The following RIPOR1 variants were observed in gnomAD, a reference collection of about 807,000 sequenced individuals.
The protein encoded by RIPOR1 is rho family-interacting cell polarization regulator 1.
A neutral mutation model predicts 116.5 loss-of-function variants in RIPOR1; 58 were observed. The ratio of observed to expected loss-of-function variants is 0.50; its 90% CI spans 0.40 to 0.62. The LOEUF is 0.62. Ranked by LOEUF, RIPOR1 falls within the 20% of genes least tolerant of loss-of-function variation. The pLI, the probability that RIPOR1 is intolerant of heterozygous loss-of-function variation, is 0.00. For missense variants in RIPOR1, 1,372 were observed against 1,586.2 expected (o/e 0.86, Z 2.29); for synonymous variants, 605 against 650.0 (o/e 0.93, Z 1.05).
chr16:67,545,689 G>A lies in RIPOR1; in HGVS notation c.3216G>A (p.Ser1072=), dbSNP rs2051141264. 6 of 1,574,554 alleles carry A rather than the reference G, an allele frequency of 3.8e-6. No individual in the cohort carries two copies. Among genetic ancestry groups the A allele is most frequent in the Middle Eastern group, 1.7e-4 (1 of 5,884 alleles). ...EEVLLVRNLN[S]DDQAVVLKAL... ...TGCTACTGGTGCGGAATCTGAACTC[G>A]GATGATCAGGCTGTTGTGCTGAAGG... The change falls in exon 19 of 22, where the codon TCG becomes TCA. Residue 1072 remains serine, a synonymous_variant. Transcript: ENST00000042381. The surrounding 1 kb of genome is among the most constrained non-coding windows in gnomAD (Gnocchi z 4.8).
Position 67,545,431 on chromosome 16 carries a change from G to A in RIPOR1, c.3087G>A (p.Gln1029=). 1.2e-6 allele frequency: 2 copies of A among 1,614,050 alleles called. No individual in the cohort carries two copies. Among genetic ancestry groups the A allele is most frequent in the African/African-American group, 2.7e-5 (2 of 75,070 alleles). Residue 1029 remains glutamine (Q), a synonymous_variant, in exon 18 of 22, where the codon CAG becomes CAA. Coordinates refer to ENST00000042381, the MANE Select transcript of RIPOR1 (RefSeq NM_024519.4). The surrounding 1 kb of genome is among the most constrained non-coding windows in gnomAD (Gnocchi z 4.8). ...ALGQKLPRRP[Q]PGPGEQLTVF... is the part of the protein sequence containing the mutation. ...GGCAGAAGCTGCCCAGAAGGCCCCA[G>A]CCAGGGCCTGGAGAGCAGCTCACAG...
In RIPOR1 at chr16:67,540,557, C is replaced by G; in HGVS notation, c.676-22C>G. On this transcript the variant is annotated intron_variant, in intron 9 of 21. Transcript: ENST00000042381. The surrounding 1 kb of genome is among the most constrained non-coding windows in gnomAD (Gnocchi z 4.7). ...GGTAGGGTCCCAACACCTAGGCTGCCTCATCCTACCTGTTCCCCCAGATCT... is the reference window on the plus strand; with the variant it reads ...GGTAGGGTCCCAACACCTAGGCTGCGTCATCCTACCTGTTCCCCCAGATCT... 6.2e-7 allele frequency: 1 copy of G among 1,614,070 alleles called. No individual in the cohort carries two copies.
At chr16:67,525,722 A>G (rs2050534694), upstream of RIPOR1, among the ~76,000 whole-genome samples, 1 of 152,046 alleles carries the variant, frequency 6.6e-6, no homozygotes, top group Admixed American at 6.6e-5. Context: ...AGTGCTCATA[A>G]TTCCTTTCTA....
In RIPOR1 at chr16:67,542,232, C is replaced by T; in HGVS notation, c.1446C>T (p.His482=). ...SLAWGPSPPT[H]PAPTHGEHPS... ...CCTGGGGACCTAGCCCACCTACACA[C>T]CCAGCTCCCACCCATGGAGAGCACC... is the stretch of plus-strand genomic sequence containing the variant. Residue 482 remains histidine, a synonymous_variant, in exon 13 of 22, where the codon CAC becomes CAT. Transcript: ENST00000042381. This position sits in a 1 kb window ranked among gnomAD's most constrained non-coding sequence, Gnocchi z 4.6. The T allele has an allele frequency of 6.2e-7, 1 of 1,613,590 alleles. No homozygotes were observed. The highest frequency in any genetic ancestry group is 8.5e-7 in the Non-Finnish European group (1 of 1,179,680).
At chr16:67,523,677 C>T (rs2050515847) in intron 1 of RIPOR1, among the ~76,000 whole-genome samples, 1 of 147,896 alleles carries the variant, frequency 6.8e-6, no homozygotes, top group Non-Finnish European at 1.5e-5. Context: ...AAAAAACTAC[C>T]CTTAAACTTT....
rs1167496792 is a variant in RIPOR1 at position 67,543,842 on chromosome 16, G to T, written c.2600+373G>T. Reference sequence around the variant, plus strand: ...CTCAGTGTCTCGCCGTGCACCCTGGGACCCCAGCACTGCCCCACTCCTTCT... The same window carrying T: ...CTCAGTGTCTCGCCGTGCACCCTGGTACCCCAGCACTGCCCCACTCCTTCT... On this transcript the variant is annotated intron_variant, in intron 14 of 21. Coordinates refer to ENST00000042381, the MANE Select transcript of RIPOR1 (RefSeq NM_024519.4). This position sits in a 1 kb window ranked among gnomAD's most constrained non-coding sequence, Gnocchi z 4.7. 5.4e-6 allele frequency: 2 copies of T among 367,154 alleles called. No homozygotes were observed. Among genetic ancestry groups the T allele is most frequent in the Non-Finnish European group, 1.0e-5 (2 of 196,094 alleles). 22.7% of individuals were successfully genotyped at this position (367,154 alleles called of 1,614,324 possible).
At position 67,541,235 on chromosome 16, in the gene RIPOR1, T is replaced by A. The variant is rs2050972349; in HGVS notation, c.802-195T>A. The A allele has an allele frequency of 9.4e-4, 219 of 232,020 alleles. No homozygotes were observed. The highest frequency in any genetic ancestry group is 1.4e-3 in the Non-Finnish European group (176 of 127,554). The allele number at this position is 232,020 out of a possible 1,614,324, so 14.4% of individuals were successfully genotyped here. On this transcript the variant is annotated intron_variant, in intron 10 of 21. Coordinates refer to ENST00000042381, the MANE Select transcript of RIPOR1 (RefSeq NM_024519.4). This position sits in a 1 kb window ranked among gnomAD's most constrained non-coding sequence, Gnocchi z 4.6. ...TGCACCACCATGCCTGGCTAAAAATTTTTTTTTTTTTTTTTTTTGAGACAG... is the reference window on the plus strand; with the variant it reads ...TGCACCACCATGCCTGGCTAAAAATATTTTTTTTTTTTTTTTTTGAGACAG...
At position 67,544,849 on chromosome 16, in the gene RIPOR1, C is replaced by T. The variant is rs765943686; in HGVS notation, c.2869+19C>T. 1.7e-5 allele frequency: 27 copies of T among 1,588,816 alleles called. No individual in the cohort carries two copies. The highest frequency in any genetic ancestry group is 3.4e-5 in the Admixed American group (2 of 58,932). ...CAGGAAGGTAAAGGCCCTGGGGGTT[C>T]GGGCTCTGCCATCTGCCTTGAAGCT... is the stretch of plus-strand genomic sequence containing the variant. On this transcript the variant is annotated intron_variant, in intron 16 of 21. Coordinates refer to ENST00000042381, the MANE Select transcript of RIPOR1 (RefSeq NM_024519.4). The surrounding 1 kb of genome is among the most constrained non-coding windows in gnomAD (Gnocchi z 5.1).
In RIPOR1 at chr16:67,544,708, T is replaced by G; in HGVS notation, c.2747T>G (p.Phe916Cys). 6.2e-7 allele frequency: 1 copy of G among 1,613,264 alleles called. No homozygotes were observed. Among genetic ancestry groups the G allele is most frequent in the Non-Finnish European group, 8.5e-7 (1 of 1,179,996 alleles). The change falls in exon 16 of 22, where the codon TTT becomes TGT. Residue 916 changes from phenylalanine to cysteine, a missense_variant. Transcript: ENST00000042381. This position sits in a 1 kb window ranked among gnomAD's most constrained non-coding sequence, Gnocchi z 5.1. ...CATGTTCTCCAGAAACTGGGCACAT[T>G]TGGGCCCCTGCGCTGCCAGGAGGCA... is the stretch of plus-strand genomic sequence containing the variant. The part of the protein sequence containing the change: ...CSRLLLKLGT[F>C]GPLRCQEAWA...
chr16:67,543,172 G>A lies in RIPOR1; in HGVS notation c.2386G>A (p.Ala796Thr). ...CAGGAGCCTGGAGGAGGCACTGGGG[G>A]CCCTAATGGCTGCCCTGGATGACTA... ...GDRSLEEALGALMAALDDYRG... is the reference protein window; with the variant it reads ...GDRSLEEALGTLMAALDDYRG... The change falls in exon 13 of 22, where the codon GCC becomes ACC. Residue 796 changes from alanine to threonine, a missense_variant. By Grantham distance (58) the Ala-to-Thr change is moderately conservative. Transcript: ENST00000042381. This position sits in a 1 kb window ranked among gnomAD's most constrained non-coding sequence, Gnocchi z 4.7. 1 of 1,540,368 alleles carries A rather than the reference G, an allele frequency of 6.5e-7. No individual in the cohort carries two copies. Among genetic ancestry groups the A allele is most frequent in the Non-Finnish European group, 8.7e-7 (1 of 1,143,718 alleles).
intron 1 of RIPOR1, among the ~76,000 whole-genome samples, chr16:67,534,389 G>A (rs1239559953): frequency 6.6e-6 from 1 of 152,138 alleles, no homozygotes; most frequent in East Asian, 1.9e-4. Flanking sequence ...AAAGTGCTAG[G>A]ATTACAGGCG....
At position 67,530,270 on chromosome 16, in the gene RIPOR1, C is replaced by A. The variant is rs368229103; in HGVS notation, c.-24+1356C>A. 1.3e-5 allele frequency among the ~76,000 whole-genome samples: 2 copies of A among 152,168 alleles called. No homozygotes were observed. Among genetic ancestry groups the A allele is most frequent in the African/African-American group, 4.8e-5 (2 of 41,444 alleles). ...CCGGGGGAGGCCGCCTGGCTCCCAG[C>A]GCGCGGCCAGGGAATGTAACCAGCT... On this transcript the variant is annotated intron_variant, in intron 1 of 21. Transcript: ENST00000042381. The surrounding 1 kb of genome is among the most constrained non-coding windows in gnomAD (Gnocchi z 4.5).
chr16:67,520,907 G>C (rs2050490246), intron 1 of RIPOR1, among the ~76,000 whole-genome samples: 1 of 152,176 alleles, frequency 6.6e-6, no homozygotes, highest in Admixed American at 6.5e-5. Flanking sequence ...TCCTTCTCTT[G>C]GATCACAGAA....
intron 1 of RIPOR1, among the ~76,000 whole-genome samples, chr16:67,536,166 G>C (rs2050789356): frequency 6.6e-6 from 1 of 152,200 alleles, no homozygotes; most frequent in African/African-American, 2.4e-5. Flanking sequence ...AGAAGAGATA[G>C]GCTGGGCGCG....
In RIPOR1 at chr16:67,540,317, G is replaced by C; in HGVS notation, c.585G>C (p.Glu195Asp). The C allele has an allele frequency of 6.2e-7, 1 of 1,614,184 alleles. No homozygotes were observed. The highest frequency in any genetic ancestry group is 8.5e-7 in the Non-Finnish European group (1 of 1,180,024). Residue 195 changes from glutamate (E) to aspartate (D), a missense_variant, in exon 8 of 22, where the codon GAG (glutamate) becomes GAC (aspartate). By Grantham distance (45) the Glu-to-Asp change is conservative (BLOSUM62 2). Coordinates refer to ENST00000042381, the MANE Select transcript of RIPOR1 (RefSeq NM_024519.4). This position sits in a 1 kb window ranked among gnomAD's most constrained non-coding sequence, Gnocchi z 4.7. ...REYTESMCLL[E>D]SELEAQLGEF... The stretch of plus-strand genomic sequence containing the variant: ...CCTCCCAGAGCATGTGTCTGCTGGA[G>C]AGCGAGCTGGAGGCACAGCTGGGCG...
At chr16:67,528,130 G>A (rs1453619475), upstream of RIPOR1, among the ~76,000 whole-genome samples, 2 of 152,072 alleles carry the variant, frequency 1.3e-5, no homozygotes, top group Non-Finnish European at 2.9e-5. Flanking sequence ...ACATGGGGTC[G>A]ACTCTCAGCC....
chr16:67,546,388 T>C lies in RIPOR1; in HGVS notation c.3585T>C (p.His1195=). The part of the protein sequence containing the change: ...QQCGEEGQSA[H]RRLEESLDAL... ...CAGGAGAAGAGGGACAGTCTGCCCA[T>C]CGACGGCTGGAGGAGTCCCTGGACG... Residue 1195 remains histidine (H), a synonymous_variant, in exon 22 of 22, where the codon CAT becomes CAC. Coordinates refer to ENST00000042381, the MANE Select transcript of RIPOR1 (RefSeq NM_024519.4). 6.2e-7 allele frequency: 1 copy of C among 1,614,102 alleles called. No individual in the cohort carries two copies. The highest frequency in any genetic ancestry group is 1.1e-5 in the South Asian group (1 of 91,088).
chr16:67,519,263 GAGAA>G (rs1374923178), intron 1 of RIPOR1, among the ~76,000 whole-genome samples: 4 of 146,936 alleles, frequency 2.7e-5, no homozygotes, highest in Admixed American at 1.3e-4. Context: ...CTGGGCAACA[GAGAA>G]AGACTCTGTT....
At position 67,541,601 on chromosome 16, in the gene RIPOR1, G is replaced by T. The variant is rs373348412; in HGVS notation, c.950+23G>T. 1 of 1,613,890 alleles carries T rather than the reference G, an allele frequency of 6.2e-7. No individual in the cohort carries two copies. The highest frequency in any genetic ancestry group is 1.3e-5 in the African/African-American group (1 of 74,896). ...GAGGTTGGTGGGGCTGAGAGGCTTG[G>T]AGGAGGGCCAGGAGGGCTGTGGCAC... On this transcript the variant is annotated intron_variant, in intron 11 of 21. Transcript: ENST00000042381. This position sits in a 1 kb window ranked among gnomAD's most constrained non-coding sequence, Gnocchi z 4.6.
Sources: allele counts gnomAD v4.1 joint callset (sites outside exome capture counted in the v4.1 genomes callset), GRCh38; gene constraint gnomAD v4.1.1; non-coding constraint Gnocchi (gnomAD v3.1); transcripts MANE v1.5; gene names NCBI Gene and HGNC (gene_info 2026-07-23, HGNC 2026-07-21).